Variants in SNX13 observed in about 807,000 individuals in gnomAD.
SNX13 encodes the protein sorting nexin-13.
SNX13 carries 45 observed loss-of-function variants against 133.6 expected under a neutral mutation model. The observed-to-expected ratio is 0.34, with a 90% CI of 0.27 to 0.43. The LOEUF is 0.43. SNX13 is among the 20% of genes least tolerant of loss of function. The pLI, the probability that SNX13 is intolerant of heterozygous loss-of-function variation, is 1.00. For synonymous variants in SNX13, 414 were observed against 373.9 expected (o/e 1.11, Z -1.24); for missense variants, 1,032 against 1,145.1 (o/e 0.90, Z 1.43).
At chr7:17,796,140 G>A (rs1487780307) in intron 25 of SNX13, 1 of 151,614 alleles carries the variant, frequency 6.6e-6, no homozygotes, top group Non-Finnish European at 1.5e-5. Context: ...CCACCTCCCA[G>A]CCGCATTAAA....
In SNX13 at chr7:17,839,975, T is replaced by A; in HGVS notation, c.1191A>T (p.Gln397His). ...FMDYMQQTGG[Q>H]AHLFFWMTVE... is the part of the protein sequence containing the mutation. ...CTGTCATCCAAAAGAATAGATGTGC[T>A]TGACCTCCAGTTTGCTGCATGTAAT... The change falls in exon 13 of 26, where the codon CAA (glutamine) becomes CAT (histidine). Residue 397 changes from glutamine to histidine, a missense_variant. By Grantham distance (24) the Gln-to-His change is conservative. Coordinates refer to ENST00000428135, the MANE Select transcript of SNX13 (RefSeq NM_015132.5). 1 of 1,610,104 alleles carries A rather than the reference T, an allele frequency of 6.2e-7. No homozygotes were observed. Among genetic ancestry groups the A allele is most frequent in the Non-Finnish European group, 8.5e-7 (1 of 1,177,760 alleles).
intron 25 of SNX13, chr7:17,794,853 C>T (rs1426068283): frequency 6.6e-6 from 1 of 151,506 alleles, no homozygotes; most frequent in Admixed American, 6.6e-5. Flanking sequence ...TACAAAAACC[C>T]CTGGCATAGT....
intron 13 of SNX13, among the ~76,000 whole-genome samples, chr7:17,835,318 CCATTT>C (rs1789012761): frequency 6.6e-6 from 1 of 151,770 alleles, no homozygotes; most frequent in African/African-American, 2.4e-5. Context: ...AACGAATAAG[CCATTT>C]CATTTATTAT....
At chr7:17,939,813 G>A (rs1802584219) in intron 1 of SNX13, among the ~76,000 whole-genome samples, 1 of 152,200 alleles carries the variant, frequency 6.6e-6, no homozygotes, top group African/African-American at 2.4e-5. Context: ...TAGAGGGTGG[G>A]AAACAAACCG....
intron 18 of SNX13, among the ~76,000 whole-genome samples, chr7:17,817,107 A>T (rs188180919): frequency 6.6e-6 from 1 of 152,260 alleles, no homozygotes; most frequent in South Asian, 2.1e-4. Context: ...AAAAAAATTA[A>T]GAACAGTCAG....
chr7:17,893,648 T>A (rs1796880564), intron 2 of SNX13, among the ~76,000 whole-genome samples: 1 of 152,190 alleles, frequency 6.6e-6, no homozygotes, highest in Admixed American at 6.5e-5. Context: ...AATAATACTT[T>A]TTAAAGTTTT....
chr7:17,891,619 T>C lies in SNX13; in HGVS notation c.245A>G (p.Lys82Arg). 17 of 1,611,984 alleles carry C rather than the reference T, an allele frequency of 1.1e-5. No individual in the cohort carries two copies. The highest frequency in any genetic ancestry group is 1.7e-5 in the Admixed American group (1 of 59,956). ...PGVPKCLEEM[K>R]REARTIKIDR... ...AATCTTAATAGTCCTGGCTTCCCGT[T>C]TCATTTCTTCTAAGCACTTAAAGGA... The change falls in exon 4 of 26, where the codon AAA (lysine) becomes AGA (arginine). Residue 82 changes from lysine (K) to arginine (R), a missense_variant. Physicochemically the swap from Lys to Arg is conservative, Grantham distance 26 (BLOSUM62 2). Transcript: ENST00000428135.
intron 5 of SNX13, among the ~76,000 whole-genome samples, chr7:17,885,612 G>C (rs961761074): frequency 6.6e-6 from 1 of 152,194 alleles, no homozygotes; most frequent in Non-Finnish European, 1.5e-5. Context: ...TGGATTGCCT[G>C]AGCTCAGGAG....
intron 21 of SNX13, among the ~76,000 whole-genome samples, 174 bp from the exon 22 acceptor site, chr7:17,801,833 T>G (rs2128286891): frequency 6.6e-6 from 1 of 152,164 alleles, no homozygotes; most frequent in South Asian, 2.1e-4. Context: ...ATTATTTCAT[T>G]ACTAAAAGGG....
intron 1 of SNX13, among the ~76,000 whole-genome samples, chr7:17,903,302 T>G (rs1175335922): frequency 6.6e-6 from 1 of 152,188 alleles, no homozygotes; most frequent in Non-Finnish European, 1.5e-5. Flanking sequence ...CAAAACTGTT[T>G]AGAAGGAAGG....
chr7:17,798,734 C>G lies in SNX13; in HGVS notation c.2469G>C (p.Trp823Cys). 1 of 1,566,574 alleles carries G rather than the reference C, an allele frequency of 6.4e-7. No individual in the cohort carries two copies. Among genetic ancestry groups the G allele is most frequent in the East Asian group, 2.3e-5 (1 of 43,724 alleles). The change falls in exon 24 of 26, where the codon TGG (tryptophan) becomes TGC (cysteine). Residue 823 changes from tryptophan to cysteine, a missense_variant. By Grantham distance (215) the Trp-to-Cys change is radical (BLOSUM62 -2). Coordinates refer to ENST00000428135, the MANE Select transcript of SNX13 (RefSeq NM_015132.5). ...INRKIVDHVD[W>C]MTSPEQVADS... is the part of the protein sequence containing the mutation. The stretch of plus-strand genomic sequence containing the variant: ...CGGCTACTTGTTCAGGTGAAGTCAT[C>G]CAGTCAACATGGTCAACTATTTTTC...
intron 15 of SNX13, chr7:17,830,602 C>A (rs370136570): frequency 2.5e-5 from 25 of 983,730 alleles, no homozygotes; most frequent in Non-Finnish European, 2.7e-5. Context: ...ACAGTTAAAA[C>A]TGCATATGCA....
chr7:17,854,077 T>C (rs1458918463), intron 9 of SNX13, among the ~76,000 whole-genome samples: 1 of 151,838 alleles, frequency 6.6e-6, no homozygotes, highest in East Asian at 1.9e-4. Flanking sequence ...GAATGAAGGG[T>C]ACTGAAAACA....
chr7:17,816,896 G>C (rs1270116166), intron 18 of SNX13, among the ~76,000 whole-genome samples: 2 of 152,050 alleles, frequency 1.3e-5, no homozygotes, highest in Non-Finnish European at 2.9e-5. Context: ...TATTGACATT[G>C]TTCAAAAATT....
intron 8 of SNX13, among the ~76,000 whole-genome samples, chr7:17,872,297 A>C (rs973439986): frequency 6.6e-6 from 1 of 152,208 alleles, no homozygotes; most frequent in Non-Finnish European, 1.5e-5. Context: ...AGTGACATGA[A>C]AGAAAGGAGA....
At chr7:17,833,734 A>G (rs1346812883) in intron 15 of SNX13, among the ~76,000 whole-genome samples, 3 of 151,648 alleles carry the variant, frequency 2.0e-5, no homozygotes, top group Non-Finnish European at 4.4e-5. Context: ...CAATAATTCT[A>G]TTGTTAATCA....
chr7:17,904,180 G>A (rs192452090), intron 1 of SNX13, among the ~76,000 whole-genome samples: 1 of 152,148 alleles, frequency 6.6e-6, no homozygotes, highest in African/African-American at 2.4e-5. Context: ...ATTTATGATA[G>A]GAAAGGCAGC....
intron 16 of SNX13, among the ~76,000 whole-genome samples, chr7:17,829,663 A>G (rs970346748): frequency 4.6e-5 from 7 of 151,438 alleles, no homozygotes; most frequent in Admixed American, 4.0e-4. Flanking sequence ...TTTATGTGTC[A>G]CAAACTTATT....
chr7:17,900,990 C>G (rs1365595766), intron 1 of SNX13, among the ~76,000 whole-genome samples: 2 of 151,634 alleles, frequency 1.3e-5, no homozygotes, highest in Admixed American at 6.6e-5. Context: ...GTACCTACTG[C>G]TACTGATTAT....
Sources: allele counts gnomAD v4.1 joint callset (sites outside exome capture counted in the v4.1 genomes callset), GRCh38; gene constraint gnomAD v4.1.1; transcripts MANE v1.5; gene names NCBI Gene and HGNC (gene_info 2026-07-23, HGNC 2026-07-21).